SHOC1: variants seen among roughly 807,000 people sequenced by gnomAD.
SHOC1 encodes the protein shortage in chiasmata 1, also known as protein shortage in chiasmata 1 ortholog.
Under a neutral mutation model 179.2 loss-of-function variants are expected in SHOC1, and 136 were observed. The ratio of observed to expected loss-of-function variants is 0.76; its 90% confidence interval spans 0.66 to 0.87. SHOC1 has a LOEUF of 0.87. Among genes scored for constraint, SHOC1 ranks in the 40% least tolerant of loss-of-function variants. The pLI, the probability that SHOC1 is intolerant of heterozygous loss-of-function variation, is 0.00. For synonymous variants in SHOC1, 489 were observed against 586.6 expected (o/e 0.83, Z 2.41); for missense variants, 1,538 against 1,700.8 (o/e 0.90, Z 1.68).
intron 23 of SHOC1, among the ~76,000 whole-genome samples, chr9:111,701,120 TCCTAGCAAA>T (rs1008437018): frequency 1.3e-5 from 2 of 152,170 alleles, no homozygotes; most frequent in Non-Finnish European, 2.9e-5. Flanking sequence ...TACTGAGTCC[TCCTAGCAAA>T]CTATCAAACC....
intron 25 of SHOC1, 51 bp downstream of exon 25, chr9:111,694,180 G>A: frequency 6.7e-7 from 1 of 1,503,040 alleles, no homozygotes; most frequent in Non-Finnish European, 9.1e-7. Context: ...TCAAATACAG[G>A]TTTTTATATT....
intron 12 of SHOC1, among the ~76,000 whole-genome samples, chr9:111,736,611 C>T (rs1029276294): frequency 2.6e-5 from 4 of 152,134 alleles, no homozygotes; most frequent in Non-Finnish European, 4.4e-5. Flanking sequence ...CTATAAGAAT[C>T]ATAGAGGAAA....
At chr9:111,738,144 A>G in intron 12 of SHOC1, 136 bp downstream of exon 12, 2 of 684,448 alleles carry the variant, frequency 2.9e-6, no homozygotes, top group South Asian at 5.3e-5. Context: ...CAAAGTCATA[A>G]ATTCTGGCAG....
At chr9:111,694,568 G>T (rs1831604429) in intron 24 of SHOC1, among the ~76,000 whole-genome samples, 1 of 151,788 alleles carries the variant, frequency 6.6e-6, no homozygotes, top group Non-Finnish European at 1.5e-5. Context: ...TGATATCCTT[G>T]TATTTTTAAT....
At chr9:111,758,637 T>C (rs1240787886) in intron 6 of SHOC1, 58 bp downstream of exon 6, 1 of 1,427,902 alleles carries the variant, frequency 7.0e-7, no homozygotes, top group Admixed American at 2.3e-5. Context: ...CTTGTGATCA[T>C]ACTAAAACAT....
chr9:111,783,942 G>T (rs1836172974), intron 3 of SHOC1, among the ~76,000 whole-genome samples: 1 of 152,122 alleles, frequency 6.6e-6, no homozygotes, highest in South Asian at 2.1e-4. Flanking sequence ...AGTCCACCTG[G>T]GTTTGATGTT....
At chr9:111,780,202 G>GT (rs1367961653) in intron 4 of SHOC1, among the ~76,000 whole-genome samples, 10 of 152,110 alleles carry the variant, frequency 6.6e-5, no homozygotes, top group Admixed American at 5.2e-4. Context: ...ACCTTTCAAT[G>GT]TTTTTTTGTT....
Position 111,693,958 on chromosome 9 carries a change from A to G in SHOC1, c.3316-10T>C, listed in dbSNP as rs747147553. The G allele has an allele frequency of 2.5e-6, 4 of 1,598,690 alleles. No individual in the cohort carries two copies. In the Admixed American group the frequency reaches 6.8e-5, roughly 27 times the overall value. On this transcript the variant is annotated splice_polypyrimidine_tract_variant and intron_variant, in intron 25 of 27. Coordinates refer to ENST00000682961, the MANE Select transcript of SHOC1 (RefSeq NM_001378211.1). Reference sequence around the variant, plus strand: ...GTAAGTACATTTCTTCCTAGAAAAGAGTTTAAGAAATAATCAGTCAGTAGT... The same window carrying G: ...GTAAGTACATTTCTTCCTAGAAAAGGGTTTAAGAAATAATCAGTCAGTAGT...
intron 24 of SHOC1, among the ~76,000 whole-genome samples, chr9:111,696,720 C>T (rs1192381467): frequency 6.6e-6 from 1 of 152,124 alleles, no homozygotes; most frequent in Non-Finnish European, 1.5e-5. Flanking sequence ...GTATCATATG[C>T]CCCATGCATA....
Position 111,759,153 on chromosome 9 carries a change from T to TA in SHOC1, c.443-306dup, listed in dbSNP as rs200271872. 6.2e-3 allele frequency: 10,012 copies of TA among 1,605,114 alleles called. 251 individuals are homozygous for TA. The Admixed American group carries it at 0.078, about 12-fold the overall frequency. On this transcript the variant is annotated intron_variant, in intron 5 of 27. Transcript: ENST00000682961. ...AATGGAGGAAAATATCTTATGGACT[T>TA]ACACTTCAAAATAGCCAGGCGTAGC...
At chr9:111,713,814 G>A (rs576677887) in intron 17 of SHOC1, among the ~76,000 whole-genome samples, 1 of 152,160 alleles carries the variant, frequency 6.6e-6, no homozygotes, top group African/African-American at 2.4e-5. Context: ...TGTAGGGTAG[G>A]CAAATAATTG....
At chr9:111,783,105 T>A (rs1407843003) in intron 3 of SHOC1, among the ~76,000 whole-genome samples, 1 of 152,180 alleles carries the variant, frequency 6.6e-6, no homozygotes, top group Non-Finnish European at 1.5e-5. Context: ...TTTTACAGTC[T>A]CTCTCATCAT....
Position 111,692,458 on chromosome 9 carries a change from T to C in SHOC1, c.3519A>G (p.Lys1173=). 1 of 1,605,224 alleles carries C rather than the reference T, an allele frequency of 6.2e-7. No homozygotes were observed. The highest frequency in any genetic ancestry group is 8.5e-7 in the Non-Finnish European group (1 of 1,175,758). Residue 1173 remains lysine, a synonymous_variant, in exon 27 of 28, where the codon AAA becomes AAG. Transcript: ENST00000682961. ...LFKIGSSSIT[K]SPQISSPQEN... ...CCTGAGGTGACGAAATTTGCGGTGATTTTGTTATGGAAGAAGAACCAATCT... is the reference window on the plus strand; with the variant it reads ...CCTGAGGTGACGAAATTTGCGGTGACTTTGTTATGGAAGAAGAACCAATCT...
rs1835811767 is a variant in SHOC1 at position 111,775,856 on chromosome 9, T to C, written c.377A>G (p.Tyr126Cys). 3 of 1,613,674 alleles carry C rather than the reference T, an allele frequency of 1.9e-6. No homozygotes were observed. The highest frequency in any genetic ancestry group is 1.1e-5 in the South Asian group (1 of 91,012). The change falls in exon 5 of 28, where the codon TAC becomes TGC. Residue 126 changes from tyrosine to cysteine, a missense_variant. Physicochemically the swap from Tyr to Cys is radical, Grantham distance 194. Coordinates refer to ENST00000682961, the MANE Select transcript of SHOC1 (RefSeq NM_001378211.1). ...EEVSLYTHMD[Y>C]NEVFTPVSCL... ...ACTGACAGGGGTAAAGACTTCATTGTAGTCCATGTGGGTGTATAAACTGAC... is the reference window on the plus strand; with the variant it reads ...ACTGACAGGGGTAAAGACTTCATTGCAGTCCATGTGGGTGTATAAACTGAC...
At chr9:111,729,954 G>C (rs1322413715) in intron 12 of SHOC1, among the ~76,000 whole-genome samples, 1 of 151,318 alleles carries the variant, frequency 6.6e-6, no homozygotes, top group Non-Finnish European at 1.5e-5. Flanking sequence ...CTATGTTTAT[G>C]GAATATTCCA....
At chr9:111,690,725 T>C (rs899495246) in intron 27 of SHOC1, among the ~76,000 whole-genome samples, 1 of 152,164 alleles carries the variant, frequency 6.6e-6, no homozygotes. Context: ...CAAAACAAGT[T>C]GTAAGTATTA....
chr9:111,748,808 CT>C (rs1834423128), intron 8 of SHOC1, among the ~76,000 whole-genome samples: 1 of 107,726 alleles, frequency 9.3e-6, no homozygotes, highest in Non-Finnish European at 1.7e-5. Flanking sequence ...TCCTTCCTTC[CT>C]TCCTTCCTCC....
At chr9:111,730,831 A>G (rs765313457) in intron 12 of SHOC1, among the ~76,000 whole-genome samples, 3 of 152,214 alleles carry the variant, frequency 2.0e-5, no homozygotes, top group Non-Finnish European at 2.9e-5. Flanking sequence ...CCTACTGGCT[A>G]TAAAAGTCCT....
intron 5 of SHOC1, among the ~76,000 whole-genome samples, chr9:111,775,116 C>T (rs1835780551): frequency 1.3e-5 from 2 of 152,034 alleles, no homozygotes; most frequent in African/African-American, 4.8e-5. Context: ...CTGCCTCAGC[C>T]TCCCAAGTAG....
Sources: gnomAD v4.1 joint callset for allele counts (sites outside exome capture counted in the v4.1 genomes callset) on GRCh38, gnomAD v4.1.1 for gene constraint, MANE v1.5 for transcripts, NCBI Gene and HGNC (gene_info 2026-07-23, HGNC 2026-07-21) for gene names.